Variants in WWOX observed in about 807,000 individuals in gnomAD.
WWOX encodes the protein WW domain containing oxidoreductase.
Under a neutral mutation model 46.2 loss-of-function variants are expected in WWOX, and 69 were observed. That is an observed-to-expected ratio of 1.49 (90% CI 1.23 to 1.82). The LOEUF (loss-of-function observed/expected upper bound fraction) is 1.82. WWOX is among the 40% of genes most tolerant of loss of function. The pLI, the probability that WWOX is intolerant of heterozygous loss-of-function variation, is 0.00. For synonymous variants in WWOX, 359 were observed against 202.6 expected, an observed-to-expected ratio of 1.77 and a Z score of -6.56; for missense variants, 919 against 542.6, an observed-to-expected ratio of 1.69 and a Z score of -6.89.
intron 8 of WWOX, among the ~76,000 whole-genome samples, chr16:79,011,360 C>T (rs1420278015): frequency 6.6e-6 from 1 of 151,994 alleles, no homozygotes; most frequent in Non-Finnish European, 1.5e-5. Flanking sequence ...GTCTCCAATC[C>T]TGCCCCCTTT....
At chr16:78,857,339 A>C (rs1323681629) in intron 8 of WWOX, among the ~76,000 whole-genome samples, 1 of 152,232 alleles carries the variant, frequency 6.6e-6, no homozygotes, top group Non-Finnish European at 1.5e-5. Flanking sequence ...CATTGGCAAA[A>C]GTTAAGAAGG....
At chr16:79,107,331 G>C (rs532351375) in intron 8 of WWOX, among the ~76,000 whole-genome samples, 1 of 146,798 alleles carries the variant, frequency 6.8e-6, no homozygotes, top group South Asian at 2.1e-4. Context: ...CAAGTGATCC[G>C]CCCTTCTCGG....
chr16:78,990,068 C>G (rs973317437), intron 8 of WWOX, among the ~76,000 whole-genome samples: 3 of 151,602 alleles, frequency 2.0e-5, no homozygotes, highest in African/African-American at 4.9e-5. Context: ...CTTGTAGTCT[C>G]AGCTACTCGG....
intron 5 of WWOX, among the ~76,000 whole-genome samples, chr16:78,226,108 C>T (rs2037045514): frequency 6.6e-6 from 1 of 152,164 alleles, no homozygotes; most frequent in African/African-American, 2.4e-5. Context: ...TCTTCAGCAA[C>T]ATCTGAGTAT....
intron 8 of WWOX, among the ~76,000 whole-genome samples, chr16:78,713,089 G>A (rs1030376499): frequency 1.3e-5 from 2 of 151,638 alleles, no homozygotes; most frequent in African/African-American, 4.8e-5. Context: ...GGGTAACATA[G>A]GGAGACCCTC....
chr16:78,429,715 C>A (rs2083173484), intron 7 of WWOX, among the ~76,000 whole-genome samples: 2 of 152,130 alleles, frequency 1.3e-5, no homozygotes, highest in African/African-American at 4.8e-5. Flanking sequence ...TTCTGTAATA[C>A]CTTATTATGT....
rs139044292 is a variant in WWOX, at chr16:78,351,976, A to T, written c.517-34884A>T. On this transcript the variant is annotated intron_variant, in intron 5 of 8. Coordinates refer to ENST00000566780, the MANE Select transcript of WWOX (RefSeq NM_016373.4). ...CCAGCAGTATGTTTGTTTTTCTTCA[A>T]ACCTAGATCAAGAGTCAAACACTCA... Among the ~76,000 whole-genome samples the T allele has an allele frequency of 8.5e-5, 13 of 152,268 alleles. No homozygotes were observed. In the East Asian group the frequency reaches 2.3e-3, roughly 27 times the overall value.
At chr16:78,401,133 T>C (rs1021459523) in intron 6 of WWOX, among the ~76,000 whole-genome samples, 3 of 152,232 alleles carry the variant, frequency 2.0e-5, no homozygotes, top group Non-Finnish European at 4.4e-5. Context: ...TTTTTTTCTT[T>C]GAAGAGAATG....
At chr16:78,369,236 T>C (rs1168968644) in intron 5 of WWOX, among the ~76,000 whole-genome samples, 1 of 152,156 alleles carries the variant, frequency 6.6e-6, no homozygotes, top group Non-Finnish European at 1.5e-5. Context: ...AGATTTCTCC[T>C]CTGTCACAGT....
At chr16:78,220,839 C>T (rs1299390494) in intron 5 of WWOX, among the ~76,000 whole-genome samples, 1 of 152,136 alleles carries the variant, frequency 6.6e-6, no homozygotes, top group Non-Finnish European at 1.5e-5. Context: ...ACATGCCCAT[C>T]ATTTCTTCTG....
chr16:78,776,703 G>C (rs1300908488), intron 8 of WWOX, among the ~76,000 whole-genome samples: 1 of 152,116 alleles, frequency 6.6e-6, no homozygotes, highest in Non-Finnish European at 1.5e-5. Flanking sequence ...ATTCTGCATG[G>C]TCGGGGAAGC....
intron 5 of WWOX, among the ~76,000 whole-genome samples, chr16:78,253,719 A>G (rs1361253874): frequency 6.6e-6 from 1 of 152,204 alleles, no homozygotes; most frequent in Non-Finnish European, 1.5e-5. Flanking sequence ...TAAACCTTCA[A>G]TTTAGTTTTA....
intron 8 of WWOX, among the ~76,000 whole-genome samples, chr16:78,648,049 C>T (rs916305572): frequency 5.9e-5 from 9 of 152,222 alleles, no homozygotes; most frequent in Admixed American, 1.3e-4. Context: ...CCCACACTTA[C>T]TCTTATTCAC....
chr16:78,470,357 T>C (rs777818374), intron 8 of WWOX, among the ~76,000 whole-genome samples: 2 of 152,224 alleles, frequency 1.3e-5, no homozygotes, highest in African/African-American at 4.8e-5. Flanking sequence ...ATGTATTGTT[T>C]GTTTAAAATC....
intron 5 of WWOX, among the ~76,000 whole-genome samples, chr16:78,287,953 G>A (rs79815901): frequency 0.1 from 15,779 of 152,062 alleles, 1,095 homozygotes; most frequent in East Asian, 0.26. Flanking sequence ...TTATCAGGTC[G>A]CTCAAAACAG....
intron 8 of WWOX, chr16:78,525,875 G>T (rs966495484): frequency 6.6e-6 from 1 of 151,326 alleles, no homozygotes; most frequent in African/African-American, 2.4e-5. Context: ...GCAAGGGGAG[G>T]TGTGAGAAGA....
chr16:79,015,483 A>C (rs868447993), intron 8 of WWOX, among the ~76,000 whole-genome samples: 1 of 152,186 alleles, frequency 6.6e-6, no homozygotes, highest in African/African-American at 2.4e-5. Flanking sequence ...TAGGTGCTCA[A>C]TAAACTATAA....
chr16:79,001,260 A>T (rs563831143), intron 8 of WWOX, among the ~76,000 whole-genome samples: 2 of 152,090 alleles, frequency 1.3e-5, no homozygotes, highest in Non-Finnish European at 2.9e-5. Context: ...CTCTCCCAAG[A>T]CAAAGGCCTC....
chr16:78,412,380 G>A (rs536427173), intron 6 of WWOX, among the ~76,000 whole-genome samples: 3 of 152,166 alleles, frequency 2.0e-5, no homozygotes, highest in African/African-American at 4.8e-5. Context: ...ACTGACAGGT[G>A]GGAATGAGAT....
Sources: gnomAD v4.1 joint callset for allele counts (sites outside exome capture counted in the v4.1 genomes callset) on GRCh38, gnomAD v4.1.1 for gene constraint, MANE v1.5 for transcripts, NCBI Gene and HGNC (gene_info 2026-07-23, HGNC 2026-07-21) for gene names.